ADGRV1: variants seen among roughly 807,000 people sequenced by gnomAD.
ADGRV1 encodes the protein adhesion G protein-coupled receptor V1, also known as G-protein coupled receptor 98.
In ADGRV1, 359 loss-of-function variants were observed where a neutral mutation model predicts 596.2. That is an observed-to-expected ratio of 0.60 (90% CI 0.55 to 0.66). The LOEUF (loss-of-function observed/expected upper bound fraction) is 0.66. Among genes scored for constraint, ADGRV1 ranks in the 30% least tolerant of loss-of-function variants. The pLI, the probability that ADGRV1 is intolerant of heterozygous loss-of-function variation, is 0.00. For synonymous variants in ADGRV1, 2,681 were observed against 2,679.2 expected, an observed-to-expected ratio of 1.00 and a Z score of -0.02; for missense variants, 7,274 against 7,575.6, an observed-to-expected ratio of 0.96 and a Z score of 1.48.
At chr5:90,779,880 T>C (rs1375355060) in intron 64 of ADGRV1, 1 of 152,190 alleles carries the variant, frequency 6.6e-6, no homozygotes, top group Non-Finnish European at 1.5e-5. Flanking sequence ...GTAATGTGAA[T>C]ATCATGCTTT....
chr5:90,864,162 T>A (rs926827051), intron 83 of ADGRV1, among the ~76,000 whole-genome samples: 2 of 152,192 alleles, frequency 1.3e-5, no homozygotes, highest in Non-Finnish European at 2.9e-5. Context: ...ACATTAAAAT[T>A]AACATTTTAT....
chr5:90,694,599 G>A lies in ADGRV1; in HGVS notation c.7843G>A (p.Gly2615Ser), dbSNP rs1343515415. Residue 2615 changes from glycine to serine, a missense_variant, in exon 33 of 90, where the codon GGC becomes AGC. Coordinates refer to ENST00000405460, the MANE Select transcript of ADGRV1 (RefSeq NM_032119.4). ...LVELMIHRTG[G>S]SLGQVAVEWR... ...GGAGCTGATGATACACAGGACAGGG[G>A]GCAGCTTAGGTCAAGTGGCAGTCGA... The A allele has an allele frequency of 1.1e-5, 17 of 1,613,740 alleles. No homozygotes were observed. The Admixed American group carries it at 1.8e-4, about 17-fold the overall frequency.
At chr5:90,759,652 A>G in intron 58 of ADGRV1, 64 bp downstream of exon 58, 1 of 1,431,770 alleles carries the variant, frequency 7.0e-7, no homozygotes, top group Non-Finnish European at 9.7e-7. Flanking sequence ...TTTTGAGTAG[A>G]AAGTGTCTCA....
At chr5:90,894,843 AGTC>A (rs1771150802) in intron 83 of ADGRV1, among the ~76,000 whole-genome samples, 1 of 152,198 alleles carries the variant, frequency 6.6e-6, no homozygotes, top group Non-Finnish European at 1.5e-5. Context: ...TTGTTTCCTA[AGTC>A]TGGTCCTTAA....
chr5:90,826,947 C>T lies in ADGRV1; in HGVS notation c.16369-1997C>T, dbSNP rs570658797. ...CATCTCTTGAATTCCAGTCCATTTC[C>T]CCTTTTCCTGATTATTTATCTTATG... On this transcript the variant is annotated intron_variant, in intron 76 of 89. Coordinates refer to ENST00000405460, the MANE Select transcript of ADGRV1 (RefSeq NM_032119.4). Among the ~76,000 whole-genome samples, 267 of 152,244 alleles carry T rather than the reference C, an allele frequency of 1.8e-3. 1 individual carries two copies. Among genetic ancestry groups the T allele is most frequent in the African/African-American group, 6.1e-3 (255 of 41,528 alleles).
chr5:91,135,843 A>G (rs1794586721), intron 87 of ADGRV1, among the ~76,000 whole-genome samples: 1 of 152,174 alleles, frequency 6.6e-6, no homozygotes, highest in Admixed American at 6.5e-5. Context: ...TGTGCAGGGT[A>G]TAGTATTGGG....
chr5:90,920,204 TAA>T (rs1773755771), intron 83 of ADGRV1, among the ~76,000 whole-genome samples: 1 of 152,052 alleles, frequency 6.6e-6, no homozygotes, highest in Non-Finnish European at 1.5e-5. Context: ...TCCTGGTTTA[TAA>T]ACGTTTTTTC....
chr5:90,629,564 T>TAC, intron 9 of ADGRV1, 25 bp downstream of exon 9: 1 of 1,507,402 alleles, frequency 6.6e-7, no homozygotes, highest in Non-Finnish European at 9.0e-7. Context: ...AAAATAATCG[T>TAC]AATTTTGGTT....
At chr5:90,927,760 T>C (rs1473560851) in intron 83 of ADGRV1, among the ~76,000 whole-genome samples, 2 of 152,230 alleles carry the variant, frequency 1.3e-5, no homozygotes, top group African/African-American at 2.4e-5. Flanking sequence ...GATTTTGCAG[T>C]GGCTGGTACT....
At chr5:90,696,710 CT>C (rs552077188) in intron 33 of ADGRV1, among the ~76,000 whole-genome samples, 1 of 151,954 alleles carries the variant, frequency 6.6e-6, no homozygotes, top group Non-Finnish European at 1.5e-5. Flanking sequence ...TCAAAATGTC[CT>C]TCTCCACAAT....
At position 90,944,847 on chromosome 5, in the gene ADGRV1, A is replaced by G. The variant is rs537879431; in HGVS notation, c.17857-20568A>G. Among the ~76,000 whole-genome samples, 9 of 152,334 alleles carry G rather than the reference A, an allele frequency of 5.9e-5. No individual in the cohort carries two copies. The South Asian group carries it at 1.9e-3, about 32-fold the overall frequency. ...GGGACCTTTAAATGCTGTCAAGAAGAAAAATCCATTTAATTTTATTGCTGA... is the reference window on the plus strand; with the variant it reads ...GGGACCTTTAAATGCTGTCAAGAAGGAAAATCCATTTAATTTTATTGCTGA... On this transcript the variant is annotated intron_variant, in intron 83 of 89. Transcript: ENST00000405460.
At chr5:90,802,477 C>G (rs1284972924) in intron 70 of ADGRV1, among the ~76,000 whole-genome samples, 1 of 152,098 alleles carries the variant, frequency 6.6e-6, no homozygotes, top group Non-Finnish European at 1.5e-5. Context: ...GTGATCCACC[C>G]GCCTGGGCCT....
chr5:90,840,695 T>C lies in ADGRV1; in HGVS notation c.16729T>C (p.Leu5577=). 6.2e-7 allele frequency: 1 copy of C among 1,614,048 alleles called. No individual in the cohort carries two copies. Among genetic ancestry groups the C allele is most frequent in the Non-Finnish European group, 8.5e-7 (1 of 1,179,890 alleles). The change falls in exon 78 of 90, where the codon TTG becomes CTG. Residue 5577 remains leucine (L), a synonymous_variant. Coordinates refer to ENST00000405460, the MANE Select transcript of ADGRV1 (RefSeq NM_032119.4). Reference sequence around the variant, plus strand: ...TGAACCTGGCCAGAGAAGCACTGTATTGGATGTCATCCTAACGCCAGAGAC... The same window carrying C: ...TGAACCTGGCCAGAGAAGCACTGTACTGGATGTCATCCTAACGCCAGAGAC... ...VFEPGQRSTV[L]DVILTPETGS...
chr5:90,873,505 AC>A, intron 83 of ADGRV1, among the ~76,000 whole-genome samples: 1 of 152,018 alleles, frequency 6.6e-6, no homozygotes, highest in Non-Finnish European at 1.5e-5. Flanking sequence ...CTAAGCCCCA[AC>A]CCCCCGTTTA....
chr5:90,600,652 T>C (rs1252935629), intron 1 of ADGRV1, among the ~76,000 whole-genome samples: 1 of 152,186 alleles, frequency 6.6e-6, no homozygotes, highest in Non-Finnish European at 1.5e-5. Context: ...CGATTTATAA[T>C]CCTTTGGGTA....
chr5:90,670,202 G>A (rs901543133), intron 21 of ADGRV1, among the ~76,000 whole-genome samples: 1 of 152,126 alleles, frequency 6.6e-6, no homozygotes, highest in Non-Finnish European at 1.5e-5. Flanking sequence ...CCCAAAACCT[G>A]TGACTGATAC....
chr5:91,029,953 A>G lies in ADGRV1; in HGVS notation c.18153-42494A>G, dbSNP rs1174907153. ...TTTTTTACACTTAGATATTCTATTC[A>G]TCTGGAATGTATTTTGTGAATGGTG... On this transcript the variant is annotated intron_variant, in intron 85 of 89. Transcript: ENST00000405460. 2.6e-5 allele frequency among the ~76,000 whole-genome samples: 4 copies of G among 152,124 alleles called. No homozygotes were observed. In the East Asian group the frequency reaches 7.7e-4, roughly 29 times the overall value.
intron 67 of ADGRV1, among the ~76,000 whole-genome samples, chr5:90,784,469 A>C (rs969647571): frequency 1.3e-5 from 2 of 152,202 alleles, no homozygotes; most frequent in African/African-American, 2.4e-5. Context: ...TGATAACAGT[A>C]AGGGCTCTGC....
chr5:91,036,250 A>G (rs1042545609), intron 85 of ADGRV1, among the ~76,000 whole-genome samples: 1 of 152,014 alleles, frequency 6.6e-6, no homozygotes, highest in Non-Finnish European at 1.5e-5. Context: ...TGTAATCCCA[A>G]CACTTTGGAA....
Sources: allele counts gnomAD v4.1 joint callset (sites outside exome capture counted in the v4.1 genomes callset), GRCh38; gene constraint gnomAD v4.1.1; transcripts MANE v1.5; gene names NCBI Gene and HGNC (gene_info 2026-07-23, HGNC 2026-07-21).